MBD5: variants seen among roughly 807,000 people sequenced by gnomAD.
MBD5 encodes methyl-CpG binding domain protein 5.
In MBD5, 13 loss-of-function variants were observed where a neutral mutation model predicts 117.3. The ratio of observed to expected loss-of-function variants is 0.11; its 90% confidence interval spans 0.07 to 0.18. The LOEUF is 0.18. MBD5 is among the 10% of genes least tolerant of loss of function. The pLI is 1.00. For missense variants in MBD5, 1,879 were observed against 2,093.8 expected (o/e 0.90, Z 2.00); for synonymous variants, 727 against 766.4 (o/e 0.95, Z 0.85).
At chr2:148,344,179 G>T (rs1241175825) in intron 4 of MBD5, among the ~76,000 whole-genome samples, 1 of 151,964 alleles carries the variant, frequency 6.6e-6, no homozygotes, top group African/African-American at 2.4e-5. Context: ...CTATGCATCT[G>T]TTTTTATACC....
intron 4 of MBD5, among the ~76,000 whole-genome samples, chr2:148,345,243 C>A (rs1703061668): frequency 7.5e-6 from 1 of 134,210 alleles, no homozygotes; most frequent in African/African-American, 2.8e-5. Context: ...TATACCCACA[C>A]ATACACATGC....
chr2:148,239,774 C>T (rs745712361), intron 3 of MBD5, among the ~76,000 whole-genome samples: 3 of 151,138 alleles, frequency 2.0e-5, no homozygotes, highest in Non-Finnish European at 4.4e-5. Flanking sequence ...GTGGCATGAA[C>T]GTGGCTCAGT....
intron 7 of MBD5, among the ~76,000 whole-genome samples, chr2:148,468,058 A>G (rs1307865392): frequency 2.6e-5 from 4 of 152,182 alleles, no homozygotes; most frequent in African/African-American, 7.2e-5. Flanking sequence ...TTAGATGCCC[A>G]TGCTTTCTCA....
intron 5 of MBD5, among the ~76,000 whole-genome samples, chr2:148,459,797 A>C (rs1707011135): frequency 6.6e-6 from 1 of 152,186 alleles, no homozygotes; most frequent in Admixed American, 6.6e-5. Flanking sequence ...AATAACTCAG[A>C]AAGTCAGTTC....
intron 4 of MBD5, among the ~76,000 whole-genome samples, chr2:148,432,819 C>A (rs952529566): frequency 2.0e-5 from 3 of 152,038 alleles, no homozygotes; most frequent in Non-Finnish European, 4.4e-5. Context: ...CACCTTTGTT[C>A]TTTTTCCTTA....
At chr2:148,118,040 T>C (rs1175549555) in intron 1 of MBD5, among the ~76,000 whole-genome samples, 1 of 152,208 alleles carries the variant, frequency 6.6e-6, no homozygotes, top group East Asian at 1.9e-4. Context: ...TGTGTCTTAC[T>C]AGAGTAGGTA....
At chr2:148,363,942 A>G (rs549192506) in intron 4 of MBD5, among the ~76,000 whole-genome samples, 17 of 152,326 alleles carry the variant, frequency 1.1e-4, no homozygotes, top group Non-Finnish European at 5.9e-5. Context: ...ATTCAGGAGA[A>G]CTTCCCCAAC....
intron 4 of MBD5, among the ~76,000 whole-genome samples, chr2:148,386,096 AACTT>A (rs1249010796): frequency 2.6e-5 from 4 of 152,060 alleles, no homozygotes; most frequent in African/African-American, 9.7e-5. Context: ...TGTCCCCTAA[AACTT>A]AAAGTATAAT....
rs1681255708 is a variant in MBD5, at chr2:148,484,025, C to G, written c.3434C>G (p.Thr1145Arg). ...GGTAVVSMAETLLNISNNAGN... is the reference protein window; with the variant it reads ...GGTAVVSMAERLLNISNNAGN... ...ACAGCAGTGGTGTCAATGGCAGAAA[C>G]ATTGCTGAATATATCTAATAATGCT... Residue 1145 changes from threonine to arginine, a missense_variant, in exon 9 of 14, where the codon ACA becomes AGA. Coordinates refer to ENST00000642680, the MANE Select transcript of MBD5 (RefSeq NM_001378120.1). The G allele has an allele frequency of 6.4e-7, 1 of 1,550,414 alleles. No homozygotes were observed. Among genetic ancestry groups the G allele is most frequent in the African/African-American group, 1.4e-5 (1 of 73,044 alleles).
At chr2:148,392,508 T>C (rs1704596433) in intron 4 of MBD5, among the ~76,000 whole-genome samples, 1 of 152,224 alleles carries the variant, frequency 6.6e-6, no homozygotes, top group African/African-American at 2.4e-5. Flanking sequence ...CTTAGGCTAC[T>C]GTTTGAGAGC....
intron 1 of MBD5, among the ~76,000 whole-genome samples, chr2:148,048,677 CAT>C (rs1173595439): frequency 6.6e-6 from 1 of 152,004 alleles, no homozygotes; most frequent in African/African-American, 2.4e-5. Flanking sequence ...GTCAAGGTAA[CAT>C]GACTTGTTCA....
intron 1 of MBD5, among the ~76,000 whole-genome samples, chr2:148,050,590 C>T (rs1247477654): frequency 6.6e-6 from 1 of 151,952 alleles, no homozygotes; most frequent in African/African-American, 2.4e-5. Context: ...GTTACTTTAA[C>T]TTTTGGTGTT....
At chr2:148,344,909 A>G (rs1383569804) in intron 4 of MBD5, among the ~76,000 whole-genome samples, 1 of 151,912 alleles carries the variant, frequency 6.6e-6, no homozygotes, top group Admixed American at 6.6e-5. Context: ...CTCTAAAAGT[A>G]AGTGTTATAG....
At chr2:148,154,905 G>A (rs926517962) in intron 1 of MBD5, among the ~76,000 whole-genome samples, 14 of 152,142 alleles carry the variant, frequency 9.2e-5, no homozygotes, top group Non-Finnish European at 8.8e-5. Flanking sequence ...CGTCGCTCAC[G>A]CTGGGAGCTG....
chr2:148,147,577 T>C (rs1052768097), intron 1 of MBD5, among the ~76,000 whole-genome samples: 9 of 152,160 alleles, frequency 5.9e-5, no homozygotes, highest in Non-Finnish European at 1.2e-4. Context: ...AACTGTCAAC[T>C]CTAAAAATTA....
At chr2:148,463,510 C>T (rs1707163242) in intron 6 of MBD5, among the ~76,000 whole-genome samples, 1 of 152,034 alleles carries the variant, frequency 6.6e-6, no homozygotes, top group African/African-American at 2.4e-5. Flanking sequence ...ATATATTTAT[C>T]TTGGCTGTCT....
intron 11 of MBD5, among the ~76,000 whole-genome samples, chr2:148,494,425 A>C (rs1172605286): frequency 6.6e-6 from 1 of 152,210 alleles, no homozygotes; most frequent in Non-Finnish European, 1.5e-5. Flanking sequence ...TCTAAAAAAA[A>C]ACAACTCAGA....
At chr2:148,194,946 C>A (rs1215203353) in intron 2 of MBD5, among the ~76,000 whole-genome samples, 3 of 152,144 alleles carry the variant, frequency 2.0e-5, no homozygotes, top group Non-Finnish European at 4.4e-5. Context: ...ATAAACAACT[C>A]CAGGGGTTGG....
chr2:148,316,494 G>T (rs1306954634), intron 3 of MBD5, among the ~76,000 whole-genome samples: 2 of 152,006 alleles, frequency 1.3e-5, no homozygotes, highest in Non-Finnish European at 2.9e-5. Flanking sequence ...AAATCAGTGG[G>T]CATTTAGGAG....
Sources: allele counts gnomAD v4.1 joint callset (sites outside exome capture counted in the v4.1 genomes callset), GRCh38; gene constraint gnomAD v4.1.1; transcripts MANE v1.5; gene names NCBI Gene and HGNC (gene_info 2026-07-23, HGNC 2026-07-21).